Variants in KCTD8 observed in about 807,000 individuals in gnomAD.
KCTD8 encodes potassium channel tetramerization domain containing 8, also known as BTB/POZ domain-containing protein KCTD8.
In KCTD8, 27 loss-of-function variants were observed where a neutral mutation model predicts 31.5. The observed-to-expected ratio is 0.86, with a 90% CI of 0.63 to 1.18. The LOEUF (loss-of-function observed/expected upper bound fraction) is 1.18, where lower values mean the gene tolerates loss of function less well. KCTD8 is among the 50% of genes most tolerant of loss of function. The pLI, the probability that KCTD8 is intolerant of heterozygous loss-of-function variation, is 0.00. For synonymous variants in KCTD8, 290 were observed against 280.0 expected (o/e 1.04, Z -0.36); for missense variants, 658 against 647.7 (o/e 1.02, Z -0.17).
chr4:44,276,309 G>A (rs1716749271), intron 1 of KCTD8, among the ~76,000 whole-genome samples: 1 of 151,884 alleles, frequency 6.6e-6, no homozygotes, highest in South Asian at 2.1e-4. Flanking sequence ...TTATATGTAT[G>A]CTTCAAATTA....
intron 1 of KCTD8, among the ~76,000 whole-genome samples, chr4:44,361,822 G>A (rs1225577947): frequency 6.6e-6 from 1 of 152,084 alleles, no homozygotes; most frequent in African/African-American, 2.4e-5. Flanking sequence ...TGTGTCTGAT[G>A]TAGTTCTAAG....
intron 1 of KCTD8, among the ~76,000 whole-genome samples, chr4:44,332,701 C>CT (rs1271700247): frequency 6.6e-6 from 1 of 151,914 alleles, no homozygotes; most frequent in South Asian, 2.1e-4. Context: ...TTATCTCTTT[C>CT]TTTTTTTAAA....
chr4:44,332,120 G>A (rs966852947), intron 1 of KCTD8, among the ~76,000 whole-genome samples: 4 of 151,822 alleles, frequency 2.6e-5, no homozygotes, highest in African/African-American at 9.7e-5. Flanking sequence ...AGTAATCAGA[G>A]GTGTAAATTT....
chr4:44,178,092 G>A (rs1713270087), intron 1 of KCTD8, among the ~76,000 whole-genome samples: 1 of 152,214 alleles, frequency 6.6e-6, no homozygotes, highest in Non-Finnish European at 1.5e-5. Flanking sequence ...TGGCTCTCCA[G>A]AAAATACTAG....
At chr4:44,291,576 G>T (rs754736663) in intron 1 of KCTD8, among the ~76,000 whole-genome samples, 3 of 151,906 alleles carry the variant, frequency 2.0e-5, no homozygotes, top group African/African-American at 7.3e-5. Context: ...AAGAATTTAC[G>T]GCTAAGTCCC....
chr4:44,174,863 A>G lies in KCTD8; in HGVS notation c.1349T>C (p.Ile450Thr). The G allele has an allele frequency of 1.9e-6, 3 of 1,613,966 alleles. No homozygotes were observed. The highest frequency in any genetic ancestry group is 2.5e-6 in the Non-Finnish European group (3 of 1,179,944). ...MKKCIQDFKK[I>T]HIPDYFPERK... ...CTCTGGAAAATAATCTGGAATGTGG[A>G]TTTTTTTAAAATCCTGAATACACTT... The change falls in exon 2 of 2, where the codon ATC becomes ACC. Residue 450 changes from isoleucine (I) to threonine (T), a missense_variant. Ile to Thr is a moderately conservative substitution (Grantham distance 89). Transcript: ENST00000360029.
chr4:44,357,429 A>G (rs1037111206), intron 1 of KCTD8, among the ~76,000 whole-genome samples: 5 of 152,208 alleles, frequency 3.3e-5, no homozygotes, highest in African/African-American at 1.2e-4. Flanking sequence ...TTCAAGAGTA[A>G]TTATAGATAA....
intron 1 of KCTD8, among the ~76,000 whole-genome samples, chr4:44,185,747 C>CTTT (rs759637393): frequency 2.8e-5 from 4 of 145,088 alleles, no homozygotes; most frequent in Admixed American, 6.9e-5. Flanking sequence ...TGATTTCCTG[C>CTTT]TTTTTTTTTT....
intron 1 of KCTD8, among the ~76,000 whole-genome samples, chr4:44,230,318 C>T (rs1198022124): frequency 1.3e-5 from 2 of 152,184 alleles, no homozygotes; most frequent in Admixed American, 6.5e-5. Context: ...CTGCCCACGA[C>T]AACTTTACTA....
At chr4:44,267,894 A>C (rs1264832151) in intron 1 of KCTD8, among the ~76,000 whole-genome samples, 2 of 152,198 alleles carry the variant, frequency 1.3e-5, no homozygotes. Context: ...AATTGTGGCA[A>C]TTATCAATAG....
intron 1 of KCTD8, among the ~76,000 whole-genome samples, chr4:44,210,041 C>T (rs1400262185): frequency 3.3e-5 from 5 of 152,108 alleles, no homozygotes; most frequent in African/African-American, 4.8e-5. Context: ...CTAAGAGAGA[C>T]CAGAAGGCAA....
chr4:44,391,480 G>T (rs1720368074), intron 1 of KCTD8, among the ~76,000 whole-genome samples: 1 of 151,790 alleles, frequency 6.6e-6, no homozygotes, highest in East Asian at 1.9e-4. Flanking sequence ...TGAGGGTGAA[G>T]ATCTTTATGA....
At chr4:44,230,992 C>T (rs1560400843) in intron 1 of KCTD8, among the ~76,000 whole-genome samples, 2 of 152,140 alleles carry the variant, frequency 1.3e-5, no homozygotes, top group Admixed American at 1.3e-4. Context: ...ATCGATTTCG[C>T]TGGCAAATTT....
intron 1 of KCTD8, among the ~76,000 whole-genome samples, chr4:44,262,824 C>A (rs898273218): frequency 4.6e-5 from 7 of 152,096 alleles, no homozygotes; most frequent in Non-Finnish European, 8.8e-5. Flanking sequence ...AAATTTACTC[C>A]CCATTGAATA....
intron 1 of KCTD8, among the ~76,000 whole-genome samples, chr4:44,283,054 T>C: frequency 6.8e-6 from 1 of 147,200 alleles, no homozygotes; most frequent in East Asian, 2.0e-4. Context: ...TTATTATTAT[T>C]ATTATTATTA....
chr4:44,346,674 A>C (rs1244921275), intron 1 of KCTD8, among the ~76,000 whole-genome samples: 1 of 152,170 alleles, frequency 6.6e-6, no homozygotes. Context: ...TGGAACACAG[A>C]TGACAGCACT....
chr4:44,418,902 A>G (rs1721143153), intron 1 of KCTD8, among the ~76,000 whole-genome samples: 1 of 152,206 alleles, frequency 6.6e-6, no homozygotes. Flanking sequence ...TTACGTATAT[A>G]TTACCAGTTT....
rs71188270 is a variant in KCTD8 at position 44,316,795 on chromosome 4, G to GAAAAAAA, written c.961+130761_961+130767dup. Among the ~76,000 whole-genome samples, 179 of 40,352 alleles carry GAAAAAAA rather than the reference G, an allele frequency of 4.4e-3. 3 individuals are homozygous for GAAAAAAA. The highest frequency in any genetic ancestry group is 6.4e-3 in the Non-Finnish European group (99 of 15,358). 26.5% of individuals were successfully genotyped at this position (40,352 alleles called of 152,430 possible). A position where few individuals can be genotyped will look rare whatever the true frequency, so the allele number is the denominator to read the frequency against. ...GAAACCCCATCTCTACTAAAAATAC[G>GAAAAAAA]AAAAAAAAAAAAAAAAAAAAAAAAA... On this transcript the variant is annotated intron_variant, in intron 1 of 1. Coordinates refer to ENST00000360029, the MANE Select transcript of KCTD8 (RefSeq NM_198353.3).
At chr4:44,291,415 G>C (rs920934580) in intron 1 of KCTD8, among the ~76,000 whole-genome samples, 1 of 152,240 alleles carries the variant, frequency 6.6e-6, no homozygotes, top group South Asian at 2.1e-4. Flanking sequence ...AAATGGTGCT[G>C]AGATAACTGG....
Sources: allele counts gnomAD v4.1 joint callset (sites outside exome capture counted in the v4.1 genomes callset), GRCh38; gene constraint gnomAD v4.1.1; transcripts MANE v1.5; gene names NCBI Gene and HGNC (gene_info 2026-07-23, HGNC 2026-07-21).